Variants in BTBD9 observed in about 807,000 individuals in gnomAD.
BTBD9 encodes BTB domain containing 9.
Under a neutral mutation model 64.3 loss-of-function variants are expected in BTBD9, and 49 were observed. That is an observed-to-expected ratio of 0.76 (90% CI 0.61 to 0.97). BTBD9 has a LOEUF of 0.97. Among genes scored for constraint, BTBD9 ranks in the 50% least tolerant of loss-of-function variants. The probability of loss-of-function intolerance (pLI) is 0.00; values close to 1 mark genes in which losing one functional copy is unlikely to be tolerated. For synonymous variants in BTBD9, 260 were observed against 274.7 expected (o/e 0.95, Z 0.53); for missense variants, 598 against 762.1 (o/e 0.78, Z 2.53).
chr6:38,632,060 G>A lies in BTBD9; in HGVS notation c.-28+7740C>T, dbSNP rs187404482. ...GGAGAATGGCTTGAACCCAGGGGGC[G>A]GAGGTTGCTGTGAGCCGAGATCGTG... On this transcript the variant is annotated intron_variant, in intron 1 of 10. Coordinates refer to ENST00000481247, the MANE Select transcript of BTBD9 (RefSeq NM_001099272.2). Among the ~76,000 whole-genome samples, 341 of 152,248 alleles carry A rather than the reference G, an allele frequency of 2.2e-3. 6 individuals are homozygous for A. The East Asian group carries it at 0.037, about 17-fold the overall frequency.
At chr6:38,560,742 G>A (rs753122243) in intron 6 of BTBD9, among the ~76,000 whole-genome samples, 15 of 151,742 alleles carry the variant, frequency 9.9e-5, no homozygotes, top group African/African-American at 2.2e-4. Flanking sequence ...CACCCTCCCC[G>A]CTCAAGTACA....
chr6:38,266,605 G>GGAAAGAAAGGAAAGAAAGAAAGAAA (rs1764986797), intron 8 of BTBD9, among the ~76,000 whole-genome samples: 1 of 107,192 alleles, frequency 9.3e-6, no homozygotes, highest in Admixed American at 1.1e-4. Context: ...AGGAAAGAAA[G>GGAAAGAAAGGAAAGAAAGAAAGAAA]GAAAGAAAGA....
At chr6:38,463,786 C>A (rs542485787) in intron 6 of BTBD9, among the ~76,000 whole-genome samples, 2 of 152,278 alleles carry the variant, frequency 1.3e-5, no homozygotes, top group African/African-American at 2.4e-5. Flanking sequence ...AATCCCAGCA[C>A]TTTAGGAGGC....
rs531531454 is a variant in BTBD9 at position 38,187,975 on chromosome 6, G to A, written c.1641+4544C>T. ...CTGTCACCTGAGAGCTGGACGGATC[G>A]GAGGGAAGCGGGGAAAATTAGCATG... On this transcript the variant is annotated intron_variant, in intron 10 of 10. Transcript: ENST00000481247. 2.0e-5 allele frequency among the ~76,000 whole-genome samples: 3 copies of A among 152,300 alleles called. No individual in the cohort carries two copies. The South Asian group carries it at 6.2e-4, about 32-fold the overall frequency.
chr6:38,192,330 G>A (rs1362809518), intron 10 of BTBD9, among the ~76,000 whole-genome samples, 189 bp downstream of exon 10: 2 of 152,182 alleles, frequency 1.3e-5, no homozygotes, highest in African/African-American at 4.8e-5. Context: ...GCTTTCATTT[G>A]CTAATGAAGA....
intron 6 of BTBD9, among the ~76,000 whole-genome samples, chr6:38,479,044 G>A (rs925185226): frequency 6.6e-6 from 1 of 152,128 alleles, no homozygotes; most frequent in Non-Finnish European, 1.5e-5. Context: ...TAAGTCTCAG[G>A]AGTTCTCCAA....
chr6:38,507,789 T>A (rs75787664), intron 6 of BTBD9, among the ~76,000 whole-genome samples: 26,764 of 151,772 alleles, frequency 0.18, 2,735 homozygotes, highest in Admixed American at 0.24. Flanking sequence ...CATGTACTTG[T>A]AGAGTTTCAG....
intron 6 of BTBD9, among the ~76,000 whole-genome samples, chr6:38,419,712 A>T (rs1767820968): frequency 6.6e-6 from 1 of 152,122 alleles, no homozygotes; most frequent in Admixed American, 6.5e-5. Flanking sequence ...CTCTACTAAA[A>T]ATACAAAATT....
chr6:38,622,261 C>T (rs1410764319), intron 1 of BTBD9, among the ~76,000 whole-genome samples: 3 of 152,226 alleles, frequency 2.0e-5, no homozygotes, highest in Admixed American at 1.3e-4. Flanking sequence ...AGTTAGACTT[C>T]TCCCATATGC....
At chr6:38,465,745 A>G (rs111882869) in intron 6 of BTBD9, among the ~76,000 whole-genome samples, 3,949 of 44,014 alleles carry the variant, frequency 0.09, 147 homozygotes, top group Admixed American at 0.11. Flanking sequence ...ATATATATAT[A>G]TATATATATA....
chr6:38,583,399 TGA>T (rs1254068849), intron 4 of BTBD9, among the ~76,000 whole-genome samples: 2 of 152,116 alleles, frequency 1.3e-5, no homozygotes, highest in East Asian at 3.9e-4. Context: ...CTTGGGAGGC[TGA>T]GACAGGAGAA....
chr6:38,305,663 T>C (rs1762600011), intron 7 of BTBD9, among the ~76,000 whole-genome samples: 1 of 152,014 alleles, frequency 6.6e-6, no homozygotes, highest in African/African-American at 2.4e-5. Context: ...TTTTTGTTTT[T>C]AGTAGAGATG....
At chr6:38,183,344 G>C (rs1312641792) in intron 10 of BTBD9, among the ~76,000 whole-genome samples, 1 of 152,166 alleles carries the variant, frequency 6.6e-6, no homozygotes, top group African/African-American at 2.4e-5. Flanking sequence ...TGTCTCACTG[G>C]GAAGGAAGCT....
chr6:38,455,428 CG>C (rs1769751580), intron 6 of BTBD9, among the ~76,000 whole-genome samples: 1 of 152,182 alleles, frequency 6.6e-6, no homozygotes, highest in Non-Finnish European at 1.5e-5. Context: ...ACTCAGCTTC[CG>C]GAAGTCTTGG....
chr6:38,358,389 T>C (rs1255837200), intron 6 of BTBD9, among the ~76,000 whole-genome samples: 1 of 152,214 alleles, frequency 6.6e-6, no homozygotes, highest in Non-Finnish European at 1.5e-5. Flanking sequence ...GTAGGCTTCC[T>C]GATGCCCCAG....
intron 1 of BTBD9, among the ~76,000 whole-genome samples, chr6:38,616,609 G>A: frequency 6.6e-6 from 1 of 152,220 alleles, no homozygotes; most frequent in East Asian, 1.9e-4. Flanking sequence ...ATTGTAAATT[G>A]CACCAATCAG....
intron 7 of BTBD9, among the ~76,000 whole-genome samples, chr6:38,297,896 A>T (rs1037406524): frequency 6.8e-6 from 1 of 146,268 alleles, no homozygotes; most frequent in South Asian, 2.1e-4. Flanking sequence ...GCTGCAGTGC[A>T]GTGGTGCTAT....
Position 38,580,344 on chromosome 6 carries a change from T to C in BTBD9, c.908A>G (p.Tyr303Cys). Residue 303 changes from tyrosine (Y) to cysteine (C), a missense_variant, in exon 5 of 11, where the codon TAT becomes TGT. Transcript: ENST00000481247. ...CCTTGAAAATCCATGATCCAAATCA[T>C]AATTTTGAGTATCACCATCTAATAA... The part of the protein sequence containing the change: ...SALLDGDTQN[Y>C]DLDHGFSRHP... 2 of 1,614,262 alleles carry C rather than the reference T, an allele frequency of 1.2e-6. No individual in the cohort carries two copies. Among genetic ancestry groups the C allele is most frequent in the Non-Finnish European group, 1.7e-6 (2 of 1,180,036 alleles).
intron 6 of BTBD9, among the ~76,000 whole-genome samples, chr6:38,414,508 T>A (rs897364970): frequency 4.6e-5 from 7 of 152,100 alleles, no homozygotes; most frequent in Non-Finnish European, 1.0e-4. Context: ...AAAGACCCTT[T>A]TCTCCCTCTG....
Sources: gnomAD v4.1 joint callset for allele counts (sites outside exome capture counted in the v4.1 genomes callset) on GRCh38, gnomAD v4.1.1 for gene constraint, MANE v1.5 for transcripts, NCBI Gene and HGNC (gene_info 2026-07-23, HGNC 2026-07-21) for gene names.